The following CSMD1 variants were observed in gnomAD, a reference collection of about 807,000 sequenced individuals.
The protein encoded by CSMD1 is CUB and Sushi multiple domains 1.
Under a neutral mutation model 417.5 loss-of-function variants are expected in CSMD1, and 213 were observed. The observed-to-expected ratio is 0.51, with a 90% CI of 0.46 to 0.57. The LOEUF (loss-of-function observed/expected upper bound fraction) is 0.57, where lower values mean the gene tolerates loss of function less well. Ranked by LOEUF, CSMD1 falls within the 20% of genes least tolerant of loss-of-function variation. The probability of loss-of-function intolerance (pLI) is 0.00; values close to 1 mark genes in which losing one functional copy is unlikely to be tolerated. For synonymous variants in CSMD1, 2,862 were observed against 1,736.8 expected (o/e 1.65, Z -16.11); for missense variants, 6,923 against 4,529.7 (o/e 1.53, Z -15.17).
chr8:3,682,976 C>T (rs1236593474), intron 7 of CSMD1, among the ~76,000 whole-genome samples: 1 of 152,116 alleles, frequency 6.6e-6, no homozygotes, highest in East Asian at 1.9e-4. Context: ...TGTTGTCACT[C>T]ATACGTGGGA....
intron 2 of CSMD1, among the ~76,000 whole-genome samples, chr8:4,557,748 G>C (rs1490613706): frequency 6.6e-6 from 1 of 150,942 alleles, no homozygotes; most frequent in Non-Finnish European, 1.5e-5. Context: ...AATTTCAAAG[G>C]TGTTTGACAG....
At chr8:4,074,792 G>C (rs944914786) in intron 3 of CSMD1, among the ~76,000 whole-genome samples, 4 of 151,888 alleles carry the variant, frequency 2.6e-5, no homozygotes, top group African/African-American at 9.7e-5. Flanking sequence ...CTTTAGTTAT[G>C]ACTGTGGTAC....
intron 2 of CSMD1, among the ~76,000 whole-genome samples, chr8:4,463,381 G>A (rs747290152): frequency 1.3e-5 from 2 of 152,146 alleles, no homozygotes; most frequent in South Asian, 4.1e-4. Flanking sequence ...CCGGAAGTTC[G>A]ACATAACATT....
chr8:3,331,705 C>T (rs529440930), intron 23 of CSMD1, among the ~76,000 whole-genome samples: 8 of 152,142 alleles, frequency 5.3e-5, no homozygotes, highest in African/African-American at 1.2e-4. Flanking sequence ...ACACAGCTGG[C>T]GGTTTCTCTT....
intron 18 of CSMD1, among the ~76,000 whole-genome samples, chr8:3,376,617 A>T (rs1810322054): frequency 6.6e-6 from 1 of 152,066 alleles, no homozygotes; most frequent in African/African-American, 2.4e-5. Flanking sequence ...AAAAAATTTC[A>T]AAGTTTTCTT....
chr8:3,758,148 G>C lies in CSMD1; in HGVS notation c.819-4106C>G, dbSNP rs147127117. ...CTGGCTAATTTTTGTATATTTAGTA[G>C]AGATGGGATTTCACCATTTTGGCCA... On this transcript the variant is annotated intron_variant, in intron 5 of 69. Coordinates refer to ENST00000635120, the MANE Select transcript of CSMD1 (RefSeq NM_033225.6). 2.3e-3 allele frequency among the ~76,000 whole-genome samples: 355 copies of C among 152,174 alleles called. 5 individuals are homozygous for C. Among genetic ancestry groups the C allele is most frequent in the African/African-American group, 8.3e-3 (345 of 41,526 alleles).
rs572655346 is a variant in CSMD1, at chr8:3,325,394, A to G, written c.3632-16891T>C. Among the ~76,000 whole-genome samples, 6 of 152,350 alleles carry G rather than the reference A, an allele frequency of 3.9e-5. No individual in the cohort carries two copies. The South Asian group carries it at 1.2e-3, about 32-fold the overall frequency. The stretch of plus-strand genomic sequence containing the variant: ...CATCTGTTGGCCTTCATTTTATTTC[A>G]CACTTAAGTCGTAAGCCTTGAGTTG... On this transcript the variant is annotated intron_variant, in intron 23 of 69. Transcript: ENST00000635120.
In CSMD1 at chr8:4,329,830, T is replaced by G. The variant is rs189444345; in HGVS notation, c.415+90123A>C. 3.8e-3 allele frequency among the ~76,000 whole-genome samples: 565 copies of G among 147,020 alleles called. 2 individuals carry two copies. The highest frequency in any genetic ancestry group is 0.021 in the Middle Eastern group (6 of 292). ...CATGAGATGTGGTCAATTAAAAAAG[T>G]GTGTGGCACCACCCTGCTTACACAC... On this transcript the variant is annotated intron_variant, in intron 3 of 69. Coordinates refer to ENST00000635120, the MANE Select transcript of CSMD1 (RefSeq NM_033225.6).
intron 4 of CSMD1, among the ~76,000 whole-genome samples, chr8:4,014,773 T>C (rs1796442821): frequency 1.3e-5 from 2 of 152,180 alleles, no homozygotes; most frequent in South Asian, 4.1e-4. Flanking sequence ...TACCTGGGCA[T>C]GGATTCATTC....
chr8:3,813,837 C>A (rs1234537508), intron 5 of CSMD1, among the ~76,000 whole-genome samples: 1 of 152,076 alleles, frequency 6.6e-6, no homozygotes, highest in South Asian at 2.1e-4. Context: ...TTGAAAGCTT[C>A]GAAGTTTATG....
At chr8:4,773,585 A>T (rs551477014) in intron 1 of CSMD1, among the ~76,000 whole-genome samples, 1 of 152,204 alleles carries the variant, frequency 6.6e-6, no homozygotes, top group Non-Finnish European at 1.5e-5. Context: ...TTTCTCGTCT[A>T]TATCAGGATA....
intron 6 of CSMD1, among the ~76,000 whole-genome samples, chr8:3,733,358 T>TG (rs1796366039): frequency 1.4e-5 from 2 of 147,898 alleles, no homozygotes; most frequent in African/African-American, 4.9e-5. Flanking sequence ...ATTATATATA[T>TG]AATATATATA....
chr8:3,139,007 G>A (rs1200084626), intron 41 of CSMD1, among the ~76,000 whole-genome samples: 1 of 152,160 alleles, frequency 6.6e-6, no homozygotes, highest in African/African-American at 2.4e-5. Flanking sequence ...GGCTACTGGT[G>A]GTGACACAGG....
At chr8:3,890,536 C>T (rs962323259) in intron 5 of CSMD1, among the ~76,000 whole-genome samples, 2 of 151,982 alleles carry the variant, frequency 1.3e-5, no homozygotes, top group East Asian at 1.9e-4. Context: ...AACAAAATAA[C>T]TCTATCTCTC....
At chr8:4,392,519 G>A (rs1178688842) in intron 3 of CSMD1, among the ~76,000 whole-genome samples, 1 of 152,090 alleles carries the variant, frequency 6.6e-6, no homozygotes, top group Non-Finnish European at 1.5e-5. Context: ...CGGTTTGTGT[G>A]TGGAGATGGG....
intron 2 of CSMD1, among the ~76,000 whole-genome samples, chr8:4,420,833 T>G (rs1797210635): frequency 1.3e-5 from 2 of 152,198 alleles, no homozygotes; most frequent in Admixed American, 6.5e-5. Flanking sequence ...AGTAGCTTAT[T>G]TTTTATGTTA....
At chr8:3,528,724 T>A (rs73503688) in intron 10 of CSMD1, among the ~76,000 whole-genome samples, 4,950 of 152,308 alleles carry the variant, frequency 0.032, 278 homozygotes, top group African/African-American at 0.11. Flanking sequence ...CTTGAGGGAT[T>A]GGAATAGTGA....
chr8:3,999,391 TC>T (rs1276712471), intron 4 of CSMD1, among the ~76,000 whole-genome samples: 1 of 152,166 alleles, frequency 6.6e-6, no homozygotes, highest in African/African-American at 2.4e-5. Flanking sequence ...GGAAATGACC[TC>T]CTTTTATTAA....
chr8:3,981,073 G>A (rs1257098160), intron 5 of CSMD1, among the ~76,000 whole-genome samples: 1 of 152,126 alleles, frequency 6.6e-6, no homozygotes, highest in African/African-American at 2.4e-5. Flanking sequence ...CGTACTTGTA[G>A]TTCCTTCCAA....
Sources: allele counts gnomAD v4.1 joint callset (sites outside exome capture counted in the v4.1 genomes callset), GRCh38; gene constraint gnomAD v4.1.1; transcripts MANE v1.5; gene names NCBI Gene and HGNC (gene_info 2026-07-23, HGNC 2026-07-21).